The following PAK4 variants were observed in gnomAD, a reference collection of about 807,000 sequenced individuals.
PAK4 encodes serine/threonine-protein kinase PAK 4.
PAK4 carries 49 observed loss-of-function variants against 53.5 expected under a neutral mutation model. The observed-to-expected ratio is 0.92, with a 90% CI of 0.73 to 1.16. PAK4 has a LOEUF of 1.16. PAK4 is among the 50% of genes most tolerant of loss of function. PAK4 has a pLI of 0.00. For synonymous variants in PAK4, 376 were observed against 375.6 expected (o/e 1.00, Z -0.01); for missense variants, 824 against 850.7 (o/e 0.97, Z 0.39).
chr19:39,175,260 GCACCC>G lies in PAK4; in HGVS notation c.1233-50_1233-46del. 1.3e-6 allele frequency: 2 copies of G among 1,535,422 alleles called. No homozygotes were observed. Among genetic ancestry groups the G allele is most frequent in the South Asian group, 2.4e-5 (2 of 83,912 alleles). On this transcript the variant is annotated intron_variant, in intron 5 of 8. Transcript: ENST00000358301. This position sits in a 1 kb window ranked among gnomAD's most constrained non-coding sequence, Gnocchi z 4.7. Reference sequence around the variant, plus strand: ...GCAAGGCAGGGCTGCGTCCCCCTCGGCACCCCGGGGTGCTGTCCAGCTGGCTGCTC... The same window carrying G: ...GCAAGGCAGGGCTGCGTCCCCCTCGGCGGGGTGCTGTCCAGCTGGCTGCTC...
At chr19:39,179,512 G>C (rs1651489756), downstream of PAK4, 1 of 152,174 alleles carries the variant, frequency 6.6e-6, no homozygotes, top group Admixed American at 6.5e-5. Flanking sequence ...TCCAGCCAAG[G>C]CAGGGCAAGG....
Position 39,173,928 on chromosome 19 carries a change from C to A in PAK4, c.1016C>A (p.Thr339Asn). ...TCCACGGGCATCGTGTGCATCGCCA[C>A]CGTGCGCAGCTCGGGCAAGCTGGTG... The change falls in exon 4 of 9, where the codon ACC becomes AAC. Residue 339 changes from threonine (T) to asparagine (N), a missense_variant. Transcript: ENST00000358301. The surrounding 1 kb of genome is among the most constrained non-coding windows in gnomAD (Gnocchi z 6.9). The A allele has an allele frequency of 6.2e-7, 1 of 1,611,770 alleles. No individual in the cohort carries two copies. Among genetic ancestry groups the A allele is most frequent in the Non-Finnish European group, 8.5e-7 (1 of 1,179,560 alleles).
intron 1 of PAK4, among the ~76,000 whole-genome samples, chr19:39,154,807 C>T (rs972913708): frequency 1.3e-5 from 2 of 149,000 alleles, no homozygotes; most frequent in African/African-American, 4.9e-5. Context: ...CCCCACCCCC[C>T]ACCCCATGGG....
At chr19:39,153,508 CTCGGCTCACTGCAACCT>C (rs2074127753) in intron 1 of PAK4, among the ~76,000 whole-genome samples, 1 of 152,250 alleles carries the variant, frequency 6.6e-6, no homozygotes, top group African/African-American at 2.4e-5. Context: ...GCGGCACCAT[CTCGGCTCACTGCAACCT>C]TCGCCTCCCA....
In PAK4 at chr19:39,173,071, G is replaced by A. The variant is rs1352724887; in HGVS notation, c.358G>A (p.Glu120Lys). 6.5e-7 allele frequency: 1 copy of A among 1,548,948 alleles called. No individual in the cohort carries two copies. Among genetic ancestry groups the A allele is most frequent in the East Asian group, 2.4e-5 (1 of 40,914 alleles). ...CCGCCAGGAAAATGGGATGCCAGAGGAGCCGGCCACCACGGCCAGAGGGGG... is the reference window on the plus strand; with the variant it reads ...CCGCCAGGAAAATGGGATGCCAGAGAAGCCGGCCACCACGGCCAGAGGGGG... Residue 120 changes from glutamate (E) to lysine (K), a missense_variant, in exon 3 of 9, where the codon GAG (glutamate) becomes AAG (lysine). By Grantham distance (56) the Glu-to-Lys change is moderately conservative. Around this residue, in one of 2 missense-constraint regions of PAK4, gnomAD observed 478 missense variants for 435.8 expected, o/e 1.10. Transcript: ENST00000358301. The surrounding 1 kb of genome is among the most constrained non-coding windows in gnomAD (Gnocchi z 6.9).
chr19:39,126,123 A>G (rs566013357), intron 1 of PAK4, among the ~76,000 whole-genome samples: 1 of 151,948 alleles, frequency 6.6e-6, no homozygotes, highest in African/African-American at 2.4e-5. Flanking sequence ...GGGCGTGGCG[A>G]AGGGGAGTGC....
In PAK4 at chr19:39,131,371, TC is replaced by T. The variant is rs1255022677; in HGVS notation, c.-23+5453del. Among the ~76,000 whole-genome samples, 45 of 152,280 alleles carry T rather than the reference TC, an allele frequency of 3.0e-4. No homozygotes were observed. The East Asian group carries it at 7.2e-3, about 24-fold the overall frequency. Reference sequence around the variant, plus strand: ...CTCCCTTTCCTTTCTCATCTACTCCTCGTCCCACTGGCTCGTGGTGAGCCAG... The same window carrying T: ...CTCCCTTTCCTTTCTCATCTACTCCTGTCCCACTGGCTCGTGGTGAGCCAG... On this transcript the variant is annotated intron_variant, in intron 1 of 8. Coordinates refer to ENST00000358301, the Ensembl canonical transcript of PAK4.
rs1443335663 is a variant in PAK4 at position 39,166,644 on chromosome 19, G to A, written c.-22-2888G>A. Reference sequence around the variant, plus strand: ...CGTGGCAGCCCTGCTGGGGTTTGGAGCCCTAGGCAGCCTGACTGCCAAGCT... The same window carrying A: ...CGTGGCAGCCCTGCTGGGGTTTGGAACCCTAGGCAGCCTGACTGCCAAGCT... On this transcript the variant is annotated intron_variant, in intron 1 of 8. Coordinates refer to ENST00000358301, the Ensembl canonical transcript of PAK4. Among the ~76,000 whole-genome samples, 4 of 152,206 alleles carry A rather than the reference G, an allele frequency of 2.6e-5. No homozygotes were observed. In the East Asian group the frequency reaches 7.7e-4, roughly 29 times the overall value.
intron 1 of PAK4, among the ~76,000 whole-genome samples, chr19:39,146,330 G>A (rs1462906239): frequency 6.6e-6 from 1 of 152,194 alleles, no homozygotes; most frequent in Non-Finnish European, 1.5e-5. Context: ...TCCAGCCTAG[G>A]AAATCAAGGA....
intron 1 of PAK4, among the ~76,000 whole-genome samples, chr19:39,136,652 G>A (rs894670366): frequency 3.9e-5 from 6 of 152,168 alleles, no homozygotes; most frequent in African/African-American, 1.2e-4. Context: ...CCGGCATAAC[G>A]TAGCCTCAGG....
chr19:39,137,326 G>A (rs1288045519), intron 1 of PAK4, among the ~76,000 whole-genome samples: 2 of 152,012 alleles, frequency 1.3e-5, no homozygotes, highest in Non-Finnish European at 2.9e-5. Context: ...TTGGGCCCGG[G>A]GAGTCCTTAT....
At chr19:39,150,399 C>T (rs1322606736) in intron 1 of PAK4, among the ~76,000 whole-genome samples, 13 of 152,222 alleles carry the variant, frequency 8.5e-5, no homozygotes. Context: ...ACCTCATCCT[C>T]AGCCCGTGTC....
chr19:39,171,208 G>GTTT (rs34497285), intron 2 of PAK4, among the ~76,000 whole-genome samples: 2 of 135,462 alleles, frequency 1.5e-5, no homozygotes, highest in Admixed American at 7.4e-5. Context: ...CTCCCTGTTG[G>GTTT]TTTTTTTTTT....
chr19:39,170,977 T>C (rs1303475412), intron 2 of PAK4, among the ~76,000 whole-genome samples: 6 of 152,192 alleles, frequency 3.9e-5, no homozygotes, highest in Non-Finnish European at 8.8e-5. Context: ...TGCCTGGCTC[T>C]GTGGCCACTT....
rs1404543578 is a variant in PAK4 at position 39,161,110 on chromosome 19, G to T, written c.-22-8422G>T. Among the ~76,000 whole-genome samples the T allele has an allele frequency of 6.6e-6, 1 of 152,206 alleles. No homozygotes were observed. The highest frequency in any genetic ancestry group is 2.4e-5 in the African/African-American group (1 of 41,452). On this transcript the variant is annotated intron_variant, in intron 1 of 8. Coordinates refer to ENST00000358301, the Ensembl canonical transcript of PAK4. This position sits in a 1 kb window ranked among gnomAD's most constrained non-coding sequence, Gnocchi z 4.5. ...CCCAGCACTGTTTAGAGGGCTCCGC[G>T]TGGCCTGGTCTGTGTGCCTGGCACA... is the stretch of plus-strand genomic sequence containing the variant.
intron 1 of PAK4, among the ~76,000 whole-genome samples, chr19:39,152,942 G>A (rs1445831498): frequency 2.0e-5 from 3 of 152,100 alleles, no homozygotes; most frequent in Admixed American, 1.3e-4. Flanking sequence ...TTTTCCATCC[G>A]CGGTTATGGA....
At chr19:39,159,893 C>T (rs1038578901) in intron 1 of PAK4, among the ~76,000 whole-genome samples, 16 of 152,218 alleles carry the variant, frequency 1.1e-4, no homozygotes, top group Admixed American at 9.8e-4. Flanking sequence ...CTTCCAAAGG[C>T]GTCCCCCCCA....
At position 39,178,929 on chromosome 19, in the gene PAK4, T is replaced by C. The variant is rs531540054; in HGVS notation, c.*350T>C. On this transcript the variant is annotated 3_prime_UTR_variant, in exon 9 of 9. Coordinates refer to ENST00000358301, the Ensembl canonical transcript of PAK4. This position sits in a 1 kb window ranked among gnomAD's most constrained non-coding sequence, Gnocchi z 4.4. ...TGGAGAGAACACTAAGAGGTGAACA[T>C]GTATGAGTGTGTGCACGCGTGTGAG... 6.0e-5 allele frequency: 15 copies of C among 250,196 alleles called. No homozygotes were observed. The East Asian group carries it at 1.6e-3, about 27-fold the overall frequency. 15.5% of individuals were successfully genotyped at this position (250,196 alleles called of 1,614,324 possible).
chr19:39,139,621 C>A (rs2073878168), intron 1 of PAK4, among the ~76,000 whole-genome samples: 2 of 152,260 alleles, frequency 1.3e-5, no homozygotes, highest in South Asian at 4.1e-4. Context: ...GTACTGCCCT[C>A]CCCCCACTCC....
Sources: allele counts gnomAD v4.1 joint callset (sites outside exome capture counted in the v4.1 genomes callset), GRCh38; gene constraint gnomAD v4.1.1; regional missense constraint gnomAD v4.1.1; non-coding constraint Gnocchi (gnomAD v3.1); transcripts MANE v1.5; gene names NCBI Gene and HGNC (gene_info 2026-07-23, HGNC 2026-07-21).